The following PRKCH variants were observed in gnomAD, a reference collection of about 807,000 sequenced individuals.
PRKCH encodes protein kinase C eta type.
A neutral mutation model predicts 82.5 loss-of-function variants in PRKCH; 28 were observed. The ratio of observed to expected loss-of-function variants is 0.34; its 90% confidence interval spans 0.25 to 0.47. PRKCH has a LOEUF of 0.47. PRKCH is among the 20% of genes least tolerant of loss of function. The pLI, the probability that PRKCH is intolerant of heterozygous loss-of-function variation, is 1.00. For missense variants in PRKCH, 705 were observed against 881.8 expected (o/e 0.80, Z 2.54); for synonymous variants, 322 against 327.4 (o/e 0.98, Z 0.18).
At chr14:61,546,365 C>T (rs2043257678) in intron 12 of PRKCH, among the ~76,000 whole-genome samples, 2 of 152,230 alleles carry the variant, frequency 1.3e-5, no homozygotes, top group Non-Finnish European at 2.9e-5. Flanking sequence ...CCAGAACCAC[C>T]TGTGGCCTTT....
chr14:61,377,954 C>T (rs1416821263), intron 1 of PRKCH, among the ~76,000 whole-genome samples: 1 of 152,204 alleles, frequency 6.6e-6, no homozygotes, highest in Admixed American at 6.5e-5. Flanking sequence ...TCTAAGGTTA[C>T]AGTTCTCTGG....
At chr14:61,270,937 G>A (rs1028858556) in intron 1 of PRKCH, among the ~76,000 whole-genome samples, 3 of 152,182 alleles carry the variant, frequency 2.0e-5, no homozygotes, top group Admixed American at 6.5e-5. Context: ...TTGCATCACC[G>A]CACTGCAGCC....
chr14:61,317,646 C>T (rs1299775364), upstream of PRKCH, among the ~76,000 whole-genome samples: 1 of 152,140 alleles, frequency 6.6e-6, no homozygotes, highest in Non-Finnish European at 1.5e-5. Context: ...TTCCTCCCTG[C>T]TTGAAAACTT....
intron 10 of PRKCH, among the ~76,000 whole-genome samples, chr14:61,497,117 C>T (rs1217675335): frequency 6.6e-6 from 1 of 152,138 alleles, no homozygotes; most frequent in Non-Finnish European, 1.5e-5. Flanking sequence ...CGATTCTTTC[C>T]TTAGAACAGA....
intron 1 of PRKCH, among the ~76,000 whole-genome samples, chr14:61,263,034 T>C (rs371193986): frequency 6.6e-6 from 1 of 152,242 alleles, no homozygotes; most frequent in Admixed American, 6.5e-5. Flanking sequence ...ATTGGTCCAT[T>C]TGTAGCTAGT....
At chr14:61,411,940 G>A (rs2140233272) in intron 2 of PRKCH, among the ~76,000 whole-genome samples, 1 of 152,350 alleles carries the variant, frequency 6.6e-6, no homozygotes, top group African/African-American at 2.4e-5. Context: ...GAGTCATGGA[G>A]CATTGGGTAG....
At chr14:61,254,198 A>C (rs557582096) in intron 1 of PRKCH, among the ~76,000 whole-genome samples, 7 of 152,240 alleles carry the variant, frequency 4.6e-5, no homozygotes, top group Non-Finnish European at 1.0e-4. Flanking sequence ...GCTGTTTGCT[A>C]ACATCCCAGA....
chr14:61,296,279 A>G (rs1313981335), intron 1 of PRKCH, among the ~76,000 whole-genome samples: 1 of 152,204 alleles, frequency 6.6e-6, no homozygotes, highest in Non-Finnish European at 1.5e-5. Flanking sequence ...AATCTTGAAG[A>G]GGTCACAGAG....
chr14:61,213,594 G>T (rs925451754), intron 1 of PRKCH, among the ~76,000 whole-genome samples: 1 of 152,182 alleles, frequency 6.6e-6, no homozygotes, highest in Non-Finnish European at 1.5e-5. Context: ...AATGAATCTG[G>T]AACATCTGGA....
intron 1 of PRKCH, among the ~76,000 whole-genome samples, chr14:61,210,893 G>T (rs1414687467): frequency 6.6e-6 from 1 of 152,054 alleles, no homozygotes; most frequent in Non-Finnish European, 1.5e-5. Context: ...AGGAGGCATT[G>T]CATATAGGGA....
At chr14:61,212,091 A>G (rs1456264706) in intron 1 of PRKCH, among the ~76,000 whole-genome samples, 1 of 152,116 alleles carries the variant, frequency 6.6e-6, no homozygotes, top group Non-Finnish European at 1.5e-5. Flanking sequence ...GAGGCTCACC[A>G]CTTCTGCTTT....
intron 1 of PRKCH, among the ~76,000 whole-genome samples, chr14:61,252,005 A>T (rs2044950927): frequency 6.6e-6 from 1 of 151,898 alleles, no homozygotes; most frequent in Non-Finnish European, 1.5e-5. Flanking sequence ...ACGCCCAGCT[A>T]ATTTCTGTAT....
intron 1 of PRKCH, among the ~76,000 whole-genome samples, chr14:61,380,304 G>A (rs1011886800): frequency 5.9e-5 from 9 of 152,040 alleles, no homozygotes; most frequent in African/African-American, 2.2e-4. Context: ...TGATCCTCCT[G>A]CCTTGGCCTC....
At chr14:61,420,428 CT>C (rs1188125225) in intron 2 of PRKCH, among the ~76,000 whole-genome samples, 1 of 152,096 alleles carries the variant, frequency 6.6e-6, no homozygotes, top group Non-Finnish European at 1.5e-5. Flanking sequence ...AACAATACCA[CT>C]ATGTGAGTCA....
chr14:61,416,779 A>G (rs185366092), intron 2 of PRKCH, among the ~76,000 whole-genome samples: 47 of 152,004 alleles, frequency 3.1e-4, no homozygotes, highest in Non-Finnish European at 2.1e-4. Context: ...TTGGGGAGAG[A>G]ATAGTCTGCC....
At chr14:61,256,477 A>T (rs1404730549) in intron 1 of PRKCH, among the ~76,000 whole-genome samples, 2 of 152,196 alleles carry the variant, frequency 1.3e-5, no homozygotes, top group Non-Finnish European at 2.9e-5. Flanking sequence ...CCTGAAGACA[A>T]TGCTCGTCTA....
At chr14:61,262,339 A>G (rs1479175223) in intron 1 of PRKCH, among the ~76,000 whole-genome samples, 1 of 152,192 alleles carries the variant, frequency 6.6e-6, no homozygotes, top group African/African-American at 2.4e-5. Flanking sequence ...CATACAACAA[A>G]ACACTACTCA....
intron 1 of PRKCH, among the ~76,000 whole-genome samples, chr14:61,190,304 AGGT>A (rs1288596888): frequency 6.6e-6 from 1 of 152,222 alleles, no homozygotes; most frequent in African/African-American, 2.4e-5. Context: ...CTGGGATCTT[AGGT>A]TAGTCAGGTC....
chr14:61,370,981 C>A (rs2046358825), intron 1 of PRKCH, among the ~76,000 whole-genome samples: 2 of 152,024 alleles, frequency 1.3e-5, no homozygotes, highest in Non-Finnish European at 2.9e-5. Context: ...GTTACATACA[C>A]AGTCTAGAAA....
Sources: gnomAD v4.1 joint callset for allele counts (sites outside exome capture counted in the v4.1 genomes callset) on GRCh38, gnomAD v4.1.1 for gene constraint, MANE v1.5 for transcripts, NCBI Gene and HGNC (gene_info 2026-07-23, HGNC 2026-07-21) for gene names.